The following THBS3 variants were observed in gnomAD, a reference collection of about 807,000 sequenced individuals.
THBS3 encodes thrombospondin 3, also known as thrombospondin-3.
THBS3 carries 78 observed loss-of-function variants against 118.3 expected under a neutral mutation model. That is an observed-to-expected ratio of 0.66 (90% CI 0.55 to 0.80). The LOEUF (loss-of-function observed/expected upper bound fraction) is 0.80, where lower values mean the gene tolerates loss of function less well. THBS3 is among the 30% of genes least tolerant of loss of function. The pLI, the probability that THBS3 is intolerant of heterozygous loss-of-function variation, is 0.00. For missense variants in THBS3, 1,057 were observed against 1,247.4 expected (o/e 0.85, Z 2.30); for synonymous variants, 427 against 475.3 (o/e 0.90, Z 1.32).
Position 155,202,714 on chromosome 1 carries a change from T to A in THBS3, c.957+98A>T. ...CTCTGACCTCTCCTAAACTCCAGAT[T>A]CCTCTCCTCCGGACCAGCATTTATC... On this transcript the variant is annotated intron_variant, in intron 8 of 22. Coordinates refer to ENST00000368378, the MANE Select transcript of THBS3 (RefSeq NM_007112.5). This position sits in a 1 kb window ranked among gnomAD's most constrained non-coding sequence, Gnocchi z 5.5. 6.7e-7 allele frequency: 1 copy of A among 1,490,944 alleles called. No homozygotes were observed. The highest frequency in any genetic ancestry group is 9.0e-7 in the Non-Finnish European group (1 of 1,110,732). The allele number at this position is 1,490,944 out of a possible 1,614,324, so 92.4% of individuals were successfully genotyped here. A position where few individuals can be genotyped will look rare whatever the true frequency, so the allele number is the denominator to read the frequency against.
chr1:155,197,394 A>C lies in THBS3; in HGVS notation c.2499+69T>G. On this transcript the variant is annotated intron_variant, in intron 20 of 22. Transcript: ENST00000368378. This position sits in a 1 kb window ranked among gnomAD's most constrained non-coding sequence, Gnocchi z 5.0. Reference sequence around the variant, plus strand: ...AGGGTTCCCAGTCAAGCAGTGGGGGAGGCCCTGGGGCTGCAGAGGAGAGCT... The same window carrying C: ...AGGGTTCCCAGTCAAGCAGTGGGGGCGGCCCTGGGGCTGCAGAGGAGAGCT... 1 of 1,562,156 alleles carries C rather than the reference A, an allele frequency of 6.4e-7. No individual in the cohort carries two copies. The highest frequency in any genetic ancestry group is 2.3e-5 in the East Asian group (1 of 44,354).
intron 16 of THBS3, among the ~76,000 whole-genome samples, 176 bp downstream of exon 16, chr1:155,199,628 C>T (rs1444818964): frequency 6.6e-6 from 1 of 151,730 alleles, no homozygotes; most frequent in Non-Finnish European, 1.5e-5. Flanking sequence ...GTAGCACATG[C>T]CTGTAATCCT....
intron 1 of THBS3, among the ~76,000 whole-genome samples, chr1:155,207,468 C>G (rs550896542): frequency 2.5e-4 from 38 of 151,968 alleles, no homozygotes; most frequent in African/African-American, 8.2e-4. Context: ...ACCTACAGTA[C>G]GCCCACCTTC....
At position 155,206,636 on chromosome 1, in the gene THBS3, G is replaced by GAA. The variant is rs1165158595; in HGVS notation, c.80-232_80-231dup. 1.3e-5 allele frequency among the ~76,000 whole-genome samples: 2 copies of GAA among 151,742 alleles called. No homozygotes were observed. Among genetic ancestry groups the GAA allele is most frequent in the Non-Finnish European group, 2.9e-5 (2 of 67,952 alleles). On this transcript the variant is annotated intron_variant, in intron 1 of 22. Coordinates refer to ENST00000368378, the MANE Select transcript of THBS3 (RefSeq NM_007112.5). This position sits in a 1 kb window ranked among gnomAD's most constrained non-coding sequence, Gnocchi z 4.2. Reference sequence around the variant, plus strand: ...TCGAGACCAGCCTGGCCAACACGGTGAAACCCCGTGTCTACTAAAAATACA... The same window carrying GAA: ...TCGAGACCAGCCTGGCCAACACGGTGAAAAACCCCGTGTCTACTAAAAATACA...
chr1:155,209,170 A>AGGGGCGGTGGCGG (rs1182776269), upstream of THBS3: 3 of 1,492,530 alleles, frequency 2.0e-6, no homozygotes, highest in South Asian at 1.3e-5. Context: ...CAACGATCGG[A>AGGGGCGGTGGCGG]GGGGCGGTGG....
rs769027587 is a variant in THBS3, at chr1:155,205,213, T to G, written c.390A>C (p.Arg130=). 9.9e-6 allele frequency: 16 copies of G among 1,614,184 alleles called. No homozygotes were observed. In the South Asian group the frequency reaches 1.8e-4, roughly 18 times the overall value. ...GGGCAGGGCTGGGTCTGGAGGGACC[T>G]CGGAGTCGCAGGAGAACTGTGTGTG... ...GRTHTVLLRL[R]GPSRPSPALH... is the part of the protein sequence containing the mutation. Residue 130 remains arginine (R), a synonymous_variant, in exon 3 of 23, where the codon CGA becomes CGC. Transcript: ENST00000368378.
chr1:155,203,455 G>A, intron 5 of THBS3, 58 bp downstream of exon 5: 1 of 1,607,700 alleles, frequency 6.2e-7, no homozygotes. Context: ...TCAGGCAGCT[G>A]CCAGAGCCTG....
chr1:155,199,123 A>AG (rs1039821176), intron 16 of THBS3, among the ~76,000 whole-genome samples: 2 of 151,800 alleles, frequency 1.3e-5, no homozygotes, highest in African/African-American at 2.4e-5. Flanking sequence ...TCAAAAAAAA[A>AG]AAGGAGGCCG....
chr1:155,199,938 TG>T (rs1669417864), intron 15 of THBS3, 56 bp downstream of exon 15: 2 of 1,610,938 alleles, frequency 1.2e-6, no homozygotes, highest in Non-Finnish European at 1.7e-6. Flanking sequence ...TCCAAAGGGC[TG>T]GGGCTTCATC....
Position 155,195,635 on chromosome 1 carries a change from G to A in THBS3, c.*206C>T. On this transcript the variant is annotated 3_prime_UTR_variant, in exon 23 of 23. Transcript: ENST00000368378. ...TGGCAATGTGCTGTCATCTTTCCTG[G>A]GGTTAGTGCCTGAGTAATACCCCTT... 1 of 571,864 alleles carries A rather than the reference G, an allele frequency of 1.7e-6. No individual in the cohort carries two copies. Among genetic ancestry groups the A allele is most frequent in the Non-Finnish European group, 3.1e-6 (1 of 318,992 alleles). The allele number at this position is 571,864 out of a possible 1,614,324, so 35.4% of individuals were successfully genotyped here.
In THBS3 at chr1:155,203,152, G is replaced by A. The variant is rs1670042066; in HGVS notation, c.757-15C>T. 2 of 1,614,100 alleles carry A rather than the reference G, an allele frequency of 1.2e-6. No homozygotes were observed. Among genetic ancestry groups the A allele is most frequent in the Admixed American group, 1.7e-5 (1 of 60,006 alleles). On this transcript the variant is annotated splice_polypyrimidine_tract_variant and intron_variant, in intron 6 of 22. Transcript: ENST00000368378. ...ATTTCCTTCACCTGGAGAAGGATGG[G>A]GAGGAGTCAGCACTTGACATCTGCC...
chr1:155,202,231 C>T lies in THBS3; in HGVS notation c.1098+30G>A, dbSNP rs147201357. The T allele has an allele frequency of 8.4e-4, 1,349 of 1,608,560 alleles. 2 individuals are homozygous for T. Among genetic ancestry groups the T allele is most frequent in the Middle Eastern group, 5.3e-3 (32 of 6,044 alleles). ...CCCCTGGCCTCTACAAGGCCAAGATCCCTTGTCCACACACACTACCCAGTC... is the reference window on the plus strand; with the variant it reads ...CCCCTGGCCTCTACAAGGCCAAGATTCCTTGTCCACACACACTACCCAGTC... On this transcript the variant is annotated intron_variant, in intron 9 of 22. Coordinates refer to ENST00000368378, the MANE Select transcript of THBS3 (RefSeq NM_007112.5). The surrounding 1 kb of genome is among the most constrained non-coding windows in gnomAD (Gnocchi z 5.5).
At position 155,197,399 on chromosome 1, in the gene THBS3, C is replaced by A; in HGVS notation, c.2499+64G>T. 6.3e-7 allele frequency: 1 copy of A among 1,578,470 alleles called. No homozygotes were observed. The highest frequency in any genetic ancestry group is 8.6e-7 in the Non-Finnish European group (1 of 1,159,880). Reference sequence around the variant, plus strand: ...TCCCAGTCAAGCAGTGGGGGAGGCCCTGGGGCTGCAGAGGAGAGCTTTGGG... The same window carrying A: ...TCCCAGTCAAGCAGTGGGGGAGGCCATGGGGCTGCAGAGGAGAGCTTTGGG... On this transcript the variant is annotated intron_variant, in intron 20 of 22. Coordinates refer to ENST00000368378, the MANE Select transcript of THBS3 (RefSeq NM_007112.5). This position sits in a 1 kb window ranked among gnomAD's most constrained non-coding sequence, Gnocchi z 5.0.
intron 21 of THBS3, 179 bp downstream of exon 21, chr1:155,196,862 G>A: frequency 1.6e-6 from 1 of 620,554 alleles, no homozygotes; most frequent in Non-Finnish European, 2.8e-6. Context: ...CGGGAAAATG[G>A]GTCATGGAGG....
upstream of THBS3, chr1:155,209,154 T>A (rs527512238): frequency 7.9e-6 from 12 of 1,515,770 alleles, no homozygotes; most frequent in Non-Finnish European, 1.1e-5. Flanking sequence ...CCAGGCCCCC[T>A]GACCGCAACG....
Position 155,205,176 on chromosome 1 carries a change from C to T in THBS3, c.427G>A (p.Val143Met), listed in dbSNP as rs757428868. ...TGTTGGTCACCCAGTTTGCAGTCCA[C>T]GTAGAGATGTAGGGCAGGGCTGGGT... ...SRPSPALHLY[V>M]DCKLGDQHAG... Residue 143 changes from valine (V) to methionine (M), a missense_variant, in exon 3 of 23, where the codon GTG (valine) becomes ATG (methionine). Around this residue, in one of 3 missense-constraint regions of THBS3, gnomAD observed 206 missense variants for 205.7 expected, o/e 1.00. Coordinates refer to ENST00000368378, the MANE Select transcript of THBS3 (RefSeq NM_007112.5). 9 of 1,614,056 alleles carry T rather than the reference C, an allele frequency of 5.6e-6. No individual in the cohort carries two copies. Among genetic ancestry groups the T allele is most frequent in the Admixed American group, 3.3e-5 (2 of 60,006 alleles).
chr1:155,200,738 C>G, intron 13 of THBS3, 128 bp from the exon 14 acceptor site: 2 of 1,556,802 alleles, frequency 1.3e-6, no homozygotes, highest in South Asian at 2.4e-5. Flanking sequence ...CAGTACAGTC[C>G]CACCCACCCA....
At position 155,195,791 on chromosome 1, in the gene THBS3, CA is replaced by C. The variant is rs1464510573; in HGVS notation, c.*49del. 1 of 1,599,860 alleles carries C rather than the reference CA, an allele frequency of 6.3e-7. No individual in the cohort carries two copies. The highest frequency in any genetic ancestry group is 8.5e-7 in the Non-Finnish European group (1 of 1,173,336). On this transcript the variant is annotated 3_prime_UTR_variant, in exon 23 of 23. Coordinates refer to ENST00000368378, the MANE Select transcript of THBS3 (RefSeq NM_007112.5). ...ACCTCAGGGTCTCCAGGATGGACCC[CA>C]AGGCCAAAGGGTCTAAAATTCTGAA...
rs1338364541 is a variant in THBS3 at position 155,203,295 on chromosome 1, G to A, written c.684C>T (p.Thr228=). ...NALHSILGEQ[T]KALVTQLTLF... is the part of the protein sequence containing the mutation. ...GGGTGAGTTGGGTGACCAGCGCCTT[G>A]GTCTGCTCCCCTGTCGGGACCCAGG... is the stretch of plus-strand genomic sequence containing the variant. Residue 228 remains threonine (T), a synonymous_variant, in exon 6 of 23, where the codon ACC becomes ACT. Coordinates refer to ENST00000368378, the MANE Select transcript of THBS3 (RefSeq NM_007112.5). 2 of 1,614,024 alleles carry A rather than the reference G, an allele frequency of 1.2e-6. No homozygotes were observed. Among genetic ancestry groups the A allele is most frequent in the Admixed American group, 1.7e-5 (1 of 60,018 alleles).
Sources: gnomAD v4.1 joint callset for allele counts (sites outside exome capture counted in the v4.1 genomes callset) on GRCh38, gnomAD v4.1.1 for gene constraint, gnomAD v4.1.1 regional missense constraint, Gnocchi (gnomAD v3.1) non-coding constraint, MANE v1.5 for transcripts, NCBI Gene and HGNC (gene_info 2026-07-23, HGNC 2026-07-21) for gene names.